Variants in NDST3 observed in about 807,000 individuals in gnomAD.
The protein encoded by NDST3 is bifunctional heparan sulfate N-deacetylase/N-sulfotransferase 3.
Under a neutral mutation model 96.1 loss-of-function variants are expected in NDST3, and 58 were observed. That is an observed-to-expected ratio of 0.60 (90% CI 0.49 to 0.75). The LOEUF (loss-of-function observed/expected upper bound fraction) is 0.75, where lower values mean the gene tolerates loss of function less well. NDST3 is among the 30% of genes least tolerant of loss of function. NDST3 has a pLI of 0.00. For synonymous variants in NDST3, 333 were observed against 359.7 expected, an observed-to-expected ratio of 0.93 and a Z score of 0.84; for missense variants, 788 against 1,034.2, an observed-to-expected ratio of 0.76 and a Z score of 3.27.
intron 5 of NDST3, 111 bp from the exon 6 acceptor site, chr4:118,143,445 C>T (rs369281202): frequency 5.3e-6 from 6 of 1,132,368 alleles, no homozygotes; most frequent in Middle Eastern, 5.9e-4. Flanking sequence ...CCTGGTTAGA[C>T]CTGAATAATT....
intron 12 of NDST3, among the ~76,000 whole-genome samples, chr4:118,242,719 C>T (rs1741084330): frequency 6.6e-6 from 1 of 152,102 alleles, no homozygotes; most frequent in Non-Finnish European, 1.5e-5. Context: ...GCAGTTAAAG[C>T]ACTGGTTTGA....
At chr4:118,147,270 A>C (rs771555800) in intron 6 of NDST3, among the ~76,000 whole-genome samples, 7 of 152,200 alleles carry the variant, frequency 4.6e-5, no homozygotes, top group Non-Finnish European at 7.3e-5. Flanking sequence ...GTCGGTCAGA[A>C]ACAGACCTCA....
At chr4:118,206,131 C>A (rs535411815) in intron 6 of NDST3, among the ~76,000 whole-genome samples, 1 of 144,054 alleles carries the variant, frequency 6.9e-6, no homozygotes, top group Non-Finnish European at 1.5e-5. Context: ...CTTGCCACTA[C>A]CCTCTACAAC....
At chr4:118,246,594 G>A (rs1238683824) in intron 12 of NDST3, among the ~76,000 whole-genome samples, 4 of 151,954 alleles carry the variant, frequency 2.6e-5, no homozygotes, top group Admixed American at 6.6e-5. Flanking sequence ...GAACAAGAGC[G>A]AAACTCCATC....
chr4:118,171,485 T>C (rs982083665), intron 6 of NDST3, among the ~76,000 whole-genome samples: 2 of 152,048 alleles, frequency 1.3e-5, no homozygotes, highest in African/African-American at 4.8e-5. Flanking sequence ...GATTTTACTT[T>C]GCAGAGTTTA....
chr4:118,082,322 TG>T (rs1214966211), intron 2 of NDST3, among the ~76,000 whole-genome samples: 1 of 152,186 alleles, frequency 6.6e-6, no homozygotes, highest in Non-Finnish European at 1.5e-5. Context: ...CATAGTTTCA[TG>T]GTTGCTGGCA....
intron 9 of NDST3, 145 bp downstream of exon 9, chr4:118,233,280 G>C (rs1740430241): frequency 1.5e-6 from 1 of 662,552 alleles, no homozygotes; most frequent in African/African-American, 1.9e-5. Context: ...TATCATAAAG[G>C]GGCTCAGAAA....
intron 6 of NDST3, among the ~76,000 whole-genome samples, chr4:118,144,179 T>C (rs1733773440): frequency 6.6e-6 from 1 of 151,632 alleles, no homozygotes; most frequent in African/African-American, 2.4e-5. Context: ...GCCTATTTAA[T>C]GGGCTACTTT....
Position 118,255,879 on chromosome 4 carries a change from G to A in NDST3, c.*167G>A, listed in dbSNP as rs1222431732. ...ATGATTAGAAAAAAAGAAAAAGTATGTGTTACAAGCCTTGAGGCCTGTGGC... is the reference window on the plus strand; with the variant it reads ...ATGATTAGAAAAAAAGAAAAAGTATATGTTACAAGCCTTGAGGCCTGTGGC... On this transcript the variant is annotated 3_prime_UTR_variant, in exon 14 of 14. Transcript: ENST00000296499. 1.7e-5 allele frequency: 13 copies of A among 776,488 alleles called. No homozygotes were observed. The highest frequency in any genetic ancestry group is 2.3e-5 in the Non-Finnish European group (12 of 523,986). 48.1% of individuals were successfully genotyped at this position (776,488 alleles called of 1,614,324 possible).
chr4:118,141,696 T>C (rs547070668), intron 5 of NDST3, among the ~76,000 whole-genome samples: 1 of 152,360 alleles, frequency 6.6e-6, no homozygotes, highest in Admixed American at 6.5e-5. Context: ...GTCATAGTCA[T>C]ACACTTTTAA....
intron 3 of NDST3, among the ~76,000 whole-genome samples, chr4:118,106,502 T>C (rs4452509): frequency 0.75 from 114,037 of 151,426 alleles, 45,533 homozygotes; most frequent in South Asian, 0.92. Flanking sequence ...CATGCCACCA[T>C]GACTGGCAAA....
intron 6 of NDST3, among the ~76,000 whole-genome samples, chr4:118,220,109 T>C (rs954631476): frequency 6.6e-6 from 1 of 152,046 alleles, no homozygotes; most frequent in African/African-American, 2.4e-5. Flanking sequence ...TTGCTGGGTA[T>C]ATACCCACAG....
At chr4:118,195,591 T>G (rs1021443802) in intron 6 of NDST3, among the ~76,000 whole-genome samples, 20 of 152,220 alleles carry the variant, frequency 1.3e-4, no homozygotes, top group African/African-American at 4.6e-4. Context: ...ACTAATATGC[T>G]ACATATCTAA....
chr4:118,053,964 T>G lies in NDST3; in HGVS notation c.54T>G (p.Leu18=), dbSNP rs1578541437. The G allele has an allele frequency of 6.2e-7, 1 of 1,611,942 alleles. No homozygotes were observed. Among genetic ancestry groups the G allele is most frequent in the Non-Finnish European group, 8.5e-7 (1 of 1,178,828 alleles). Residue 18 remains leucine, a synonymous_variant, in exon 2 of 14, where the codon CTT becomes CTG. Transcript: ENST00000296499. ...ACTTTCAAAGAACAGTCATTCTGCT[T>G]GCCACTTTTTGTATGGTGAGCATTA... ...HRHFQRTVIL[L]ATFCMVSIII... is the part of the protein sequence containing the mutation.
intron 11 of NDST3, 39 bp downstream of exon 11, chr4:118,240,733 A>C: frequency 2.0e-4 from 306 of 1,549,898 alleles, no homozygotes; most frequent in Non-Finnish European, 2.4e-4. Context: ...TTAGAATCTC[A>C]TTAAGTTGAT....
chr4:118,242,112 G>T lies in NDST3; in HGVS notation c.2362G>T (p.Gly788Ter), dbSNP rs144553021. 6.2e-7 allele frequency: 1 copy of T among 1,612,110 alleles called. No homozygotes were observed. Among genetic ancestry groups the T allele is most frequent in the Non-Finnish European group, 8.5e-7 (1 of 1,178,450 alleles). Residue 788 changes from glycine to a stop codon, truncating the protein, a stop_gained, in exon 12 of 14, where the codon GGA becomes TGA. Transcript: ENST00000296499. LOFTEE classifies it high-confidence loss of function. The part of the protein sequence containing the change: ...TVMDEVQKFL[G>*]VLPHYNYSEA... ...GATGGATGAAGTACAGAAGTTTCTA[G>T]GAGTCTTGCCTCATTATAATTACTC... is the stretch of plus-strand genomic sequence containing the variant.
chr4:118,208,143 A>C (rs932176511), intron 6 of NDST3, among the ~76,000 whole-genome samples: 3 of 144,596 alleles, frequency 2.1e-5, no homozygotes, highest in Admixed American at 2.1e-4. Context: ...TATAATTTAA[A>C]GCAATAACAA....
chr4:118,066,082 A>ATT (rs1307767343), intron 2 of NDST3, among the ~76,000 whole-genome samples: 1 of 78,958 alleles, frequency 1.3e-5, no homozygotes, highest in African/African-American at 4.6e-5. Context: ...TATATAACAT[A>ATT]TTATATATTA....
intron 6 of NDST3, among the ~76,000 whole-genome samples, chr4:118,217,515 G>A (rs1297234271): frequency 6.6e-6 from 1 of 152,040 alleles, no homozygotes. Flanking sequence ...GAGAGTGATG[G>A]AACTCATACA....
Sources: gnomAD v4.1 joint callset for allele counts (sites outside exome capture counted in the v4.1 genomes callset) on GRCh38, gnomAD v4.1.1 for gene constraint, MANE v1.5 for transcripts, NCBI Gene and HGNC (gene_info 2026-07-23, HGNC 2026-07-21) for gene names.